The following PIGG variants were observed in gnomAD, a reference collection of about 807,000 sequenced individuals.
The protein encoded by PIGG is phosphatidylinositol glycan anchor biosynthesis class G (EMM blood group), also known as GPI ethanolamine phosphate transferase 2, catalytic subunit.
Under a neutral mutation model 83.2 loss-of-function variants are expected in PIGG, and 70 were observed. The observed-to-expected ratio is 0.84, with a 90% CI of 0.69 to 1.03. PIGG has a LOEUF of 1.03. PIGG is among the 50% of genes least tolerant of loss of function. The pLI, the probability that PIGG is intolerant of heterozygous loss-of-function variation, is 0.00. For synonymous variants in PIGG, 532 were observed against 519.5 expected (o/e 1.02, Z -0.33); for missense variants, 1,257 against 1,233.6 (o/e 1.02, Z -0.28).
chr4:523,270 C>T (rs1049598981), intron 8 of PIGG, among the ~76,000 whole-genome samples, 189 bp from the exon 9 acceptor site: 4 of 152,146 alleles, frequency 2.6e-5, no homozygotes, highest in South Asian at 4.1e-4. Flanking sequence ...CTGCAGGCTG[C>T]GTCCCAAGAG....
chr4:516,665 G>GA (rs1723962298), intron 6 of PIGG, among the ~76,000 whole-genome samples: 1 of 152,074 alleles, frequency 6.6e-6, no homozygotes, highest in African/African-American at 2.4e-5. Context: ...AGACCAGCCT[G>GA]ACTAACACAG....
Position 499,603 on chromosome 4 carries a change from A to G in PIGG, c.154+114A>G, listed in dbSNP as rs1716802373. The G allele has an allele frequency of 8.4e-6, 12 of 1,432,760 alleles. 1 individual carries two copies. The South Asian group carries it at 1.8e-4, about 21-fold the overall frequency. The allele number at this position is 1,432,760 out of a possible 1,614,324, so 88.8% of individuals were successfully genotyped here. On this transcript the variant is annotated intron_variant, in intron 1 of 12. Transcript: ENST00000453061. ...TCGGCGCTCCCCGGTGGTCTCTTCC[A>G]TTATGGTCCCCACCTCAGAAATTTT...
At position 500,413 on chromosome 4, in the gene PIGG, A is replaced by G. The variant is rs1553874976; in HGVS notation, c.172A>G (p.Thr58Ala). The change falls in exon 2 of 13, where the codon ACC becomes GCC. Residue 58 changes from threonine (T) to alanine (A), a missense_variant. Physicochemically the swap from Thr to Ala is moderately conservative, Grantham distance 58. Transcript: ENST00000453061. ...ACACTTAGGAGCCAGTTCTAACTGG[A>G]CCACGCTGCCACCACCTCTCTTCAG... ...EPSAGASSNWTTLPPPLFSKV... is the reference protein window; with the variant it reads ...EPSAGASSNWATLPPPLFSKV... 1 of 1,613,748 alleles carries G rather than the reference A, an allele frequency of 6.2e-7. No individual in the cohort carries two copies. The highest frequency in any genetic ancestry group is 2.2e-5 in the East Asian group (1 of 44,888).
At position 505,923 on chromosome 4, in the gene PIGG, C is replaced by G. The variant is rs1553878924; in HGVS notation, c.566C>G (p.Thr189Arg). The G allele has an allele frequency of 6.2e-7, 1 of 1,605,574 alleles. No individual in the cohort carries two copies. The highest frequency in any genetic ancestry group is 8.5e-7 in the Non-Finnish European group (1 of 1,173,578). The part of the protein sequence containing the change: ...GTTSFFVSDY[T>R]EVDNNVTRHL... Reference sequence around the variant, plus strand: ...ACCTCATTTTTCGTGTCAGATTACACAGAGGTCAGTTTTTAAAATAAGAAA... The same window carrying G: ...ACCTCATTTTTCGTGTCAGATTACAGAGAGGTCAGTTTTTAAAATAAGAAA... The change falls in exon 3 of 13, where the codon ACA becomes AGA. Residue 189 changes from threonine to arginine, a missense_variant. Transcript: ENST00000453061.
At chr4:526,403 C>T (rs573660157) in intron 9 of PIGG, among the ~76,000 whole-genome samples, 9 of 152,258 alleles carry the variant, frequency 5.9e-5, no homozygotes, top group Non-Finnish European at 1.0e-4. Flanking sequence ...GCTGGTGCTG[C>T]ACCACCGCAT....
rs561113339 is a variant in PIGG, at chr4:515,640, C to T, written c.902-333C>T. ...ATTCTCCGGTTGGCTGTTGACCTTG[C>T]CAAAGTGACAGTCCCTCCGTGTCTG... On this transcript the variant is annotated intron_variant, in intron 5 of 12. Coordinates refer to ENST00000453061, the MANE Select transcript of PIGG (RefSeq NM_001127178.3). This position sits in a 1 kb window ranked among gnomAD's most constrained non-coding sequence, Gnocchi z 4.2. Among the ~76,000 whole-genome samples the T allele has an allele frequency of 6.6e-5, 10 of 152,368 alleles. No homozygotes were observed. The highest frequency in any genetic ancestry group is 2.4e-4 in the African/African-American group (10 of 41,590).
Position 526,841 on chromosome 4 carries a change from C to T in PIGG, c.2070-198C>T, listed in dbSNP as rs1346568967. 4.6e-6 allele frequency: 3 copies of T among 649,484 alleles called. No homozygotes were observed. The African/African-American group carries it at 5.5e-5, about 12-fold the overall frequency. 40.2% of individuals were successfully genotyped at this position (649,484 alleles called of 1,614,324 possible). A position where few individuals can be genotyped will look rare whatever the true frequency, so the allele number is the denominator to read the frequency against. On this transcript the variant is annotated intron_variant, in intron 9 of 12. Coordinates refer to ENST00000453061, the MANE Select transcript of PIGG (RefSeq NM_001127178.3). Reference sequence around the variant, plus strand: ...GGGATTGCTGGTGTGAGCCACCACACCCCACTGAGGTTGACCATCTTTTAT... The same window carrying T: ...GGGATTGCTGGTGTGAGCCACCACATCCCACTGAGGTTGACCATCTTTTAT...
In PIGG at chr4:507,593, G is replaced by C. The variant is rs1553880478; in HGVS notation, c.759G>C (p.Lys253Asn). Residue 253 changes from lysine (K) to asparagine (N), a missense_variant and splice_region_variant, in exon 4 of 13, where the codon AAG becomes AAC. Transcript: ENST00000453061. ...LMKIHTSLQS[K>N]ERETPLPNLL... ...AGATCCACACCTCACTGCAGTCGAA[G>C]GTGAGGCTCGCCGTCGCTCACTGTC... 6.2e-7 allele frequency: 1 copy of C among 1,608,674 alleles called. No homozygotes were observed. The highest frequency in any genetic ancestry group is 8.5e-7 in the Non-Finnish European group (1 of 1,176,918).
chr4:522,047 G>A (rs1377713750), intron 8 of PIGG, 106 bp downstream of exon 8: 3 of 1,219,422 alleles, frequency 2.5e-6, no homozygotes, highest in African/African-American at 3.0e-5. Flanking sequence ...AACACCTGGT[G>A]TGTGCCACGT....
chr4:539,056 G>T, intron 12 of PIGG, 97 bp from the exon 13 acceptor site: 1 of 765,544 alleles, frequency 1.3e-6, no homozygotes, highest in Non-Finnish European at 2.2e-6. Flanking sequence ...TACTCCAAGG[G>T]CAAGAGCTAC....
intron 5 of PIGG, among the ~76,000 whole-genome samples, chr4:513,006 G>A (rs1553884783): frequency 6.6e-6 from 1 of 152,178 alleles, no homozygotes; most frequent in African/African-American, 2.4e-5. Flanking sequence ...GTTCTGGGCT[G>A]CACCCACCAC....
chr4:509,801 CTG>C (rs1438480652), intron 5 of PIGG, among the ~76,000 whole-genome samples: 1 of 152,226 alleles, frequency 6.6e-6, no homozygotes, highest in Non-Finnish European at 1.5e-5. Context: ...TCATCTGCCT[CTG>C]TGGTTGTAAA....
chr4:527,769 T>A (rs1728059828), intron 10 of PIGG: 5 of 985,456 alleles, frequency 5.1e-6, no homozygotes, highest in Non-Finnish European at 6.0e-6. Context: ...AGGACCATTT[T>A]ATTTTCTTTG....
At chr4:508,563 A>G (rs117844541) in intron 4 of PIGG, among the ~76,000 whole-genome samples, 2 of 152,302 alleles carry the variant, frequency 1.3e-5, no homozygotes, top group East Asian at 3.9e-4. Flanking sequence ...AAAGACAGAA[A>G]CCAGATACAA....
At chr4:520,666 T>C (rs991005669) in intron 6 of PIGG, among the ~76,000 whole-genome samples, 12 of 152,178 alleles carry the variant, frequency 7.9e-5, no homozygotes, top group Non-Finnish European at 1.6e-4. Flanking sequence ...GTTGACATAA[T>C]GCATTTCAGG....
rs774257019 is a variant in PIGG, at chr4:527,199, C to G, written c.2230C>G (p.Pro744Ala). 6.2e-7 allele frequency: 1 copy of G among 1,604,382 alleles called. No individual in the cohort carries two copies. The highest frequency in any genetic ancestry group is 1.7e-5 in the Admixed American group (1 of 58,530). ...GGCGGCCATCGGGAGTGTCCGGTTC[C>G]CGTGGCGGCCGGACAGCAAGGACAT... Reference protein sequence around the residue: ...YRAAIGSVRFPWRPDSKDISK... With the variant: ...YRAAIGSVRFAWRPDSKDISK... Residue 744 changes from proline to alanine, a missense_variant, in exon 10 of 13, where the codon CCG (proline) becomes GCG (alanine). Transcript: ENST00000453061.
At position 499,508 on chromosome 4, in the gene PIGG, C is replaced by T; in HGVS notation, c.154+19C>T. 2.5e-6 allele frequency: 4 copies of T among 1,578,968 alleles called. No individual in the cohort carries two copies. Among genetic ancestry groups the T allele is most frequent in the African/African-American group, 2.7e-5 (2 of 74,304 alleles). On this transcript the variant is annotated intron_variant, in intron 1 of 12. Transcript: ENST00000453061. ...TCGGCTGGTACGGACCCCTCCCCGG[C>T]GTCTCCGCTCCCCTGACCCCACATC... is the stretch of plus-strand genomic sequence containing the variant.
intron 5 of PIGG, among the ~76,000 whole-genome samples, chr4:509,463 C>G (rs1487942123): frequency 6.6e-6 from 1 of 152,222 alleles, no homozygotes; most frequent in Admixed American, 6.5e-5. Context: ...CAGCCGCCAG[C>G]CTATGCACTC....
chr4:509,698 T>G (rs1358350301), intron 5 of PIGG, among the ~76,000 whole-genome samples: 3 of 152,232 alleles, frequency 2.0e-5, no homozygotes, highest in African/African-American at 7.2e-5. Flanking sequence ...TTTTCCTCCT[T>G]TTCTCTCCTT....
Sources: allele counts gnomAD v4.1 joint callset (sites outside exome capture counted in the v4.1 genomes callset), GRCh38; gene constraint gnomAD v4.1.1; non-coding constraint Gnocchi (gnomAD v3.1); transcripts MANE v1.5; gene names NCBI Gene and HGNC (gene_info 2026-07-23, HGNC 2026-07-21).